The following KCNIP4 variants were observed in gnomAD, a reference collection of about 807,000 sequenced individuals.
The protein encoded by KCNIP4 is potassium voltage-gated channel interacting protein 4.
In KCNIP4, 12 loss-of-function variants were observed where a neutral mutation model predicts 34.0. The observed-to-expected ratio is 0.35, with a 90% CI of 0.23 to 0.57. KCNIP4 has a LOEUF of 0.57. Ranked by LOEUF, KCNIP4 falls within the 20% of genes least tolerant of loss-of-function variation. The pLI is 0.83. For missense variants in KCNIP4, 238 were observed against 311.7 expected (o/e 0.76, Z 1.78); for synonymous variants, 124 against 102.2 (o/e 1.21, Z -1.29).
chr4:21,730,883 C>T (rs1324085575), intron 1 of KCNIP4, among the ~76,000 whole-genome samples: 2 of 151,940 alleles, frequency 1.3e-5, no homozygotes, highest in African/African-American at 4.8e-5. Context: ...GAGGCCAAGG[C>T]GGGCAAATAG....
At chr4:21,580,464 A>G (rs1192900294) in intron 1 of KCNIP4, among the ~76,000 whole-genome samples, 1 of 152,128 alleles carries the variant, frequency 6.6e-6, no homozygotes, top group Non-Finnish European at 1.5e-5. Flanking sequence ...CAAAATGAAG[A>G]ATCCCTTGAT....
chr4:21,715,972 T>C (rs1325705793), intron 1 of KCNIP4, among the ~76,000 whole-genome samples: 1 of 152,148 alleles, frequency 6.6e-6, no homozygotes, highest in Non-Finnish European at 1.5e-5. Flanking sequence ...TGATACGACT[T>C]CTCTGATTTC....
At chr4:21,262,767 C>G (rs1212806747) in intron 1 of KCNIP4, among the ~76,000 whole-genome samples, 1 of 152,202 alleles carries the variant, frequency 6.6e-6, no homozygotes, top group Non-Finnish European at 1.5e-5. Flanking sequence ...CTCAATTACT[C>G]TCCATCAGTG....
At chr4:21,341,266 T>C (rs1716736884) in intron 1 of KCNIP4, among the ~76,000 whole-genome samples, 1 of 152,060 alleles carries the variant, frequency 6.6e-6, no homozygotes, top group Non-Finnish European at 1.5e-5. Flanking sequence ...ACAGAGTATA[T>C]TTATTTTGTT....
Position 20,728,846 on chromosome 4 carries a change from T to C in KCNIP4, c.*1236A>G, listed in dbSNP as rs1238574274. 1 of 152,570 alleles carries C rather than the reference T, an allele frequency of 6.6e-6. No individual in the cohort carries two copies. Among genetic ancestry groups the C allele is most frequent in the Admixed American group, 6.5e-5 (1 of 15,276 alleles). 9.5% of individuals were successfully genotyped at this position (152,570 alleles called of 1,614,324 possible). A position where few individuals can be genotyped will look rare whatever the true frequency, so the allele number is the denominator to read the frequency against. On this transcript the variant is annotated 3_prime_UTR_variant, in exon 9 of 9. Coordinates refer to ENST00000382152, the MANE Select transcript of KCNIP4 (RefSeq NM_025221.6). ...CCTCCTTCTGTAGCCTCTTGGTCTT[T>C]GTGATATTTCTACAAAACAGGGACG...
At chr4:21,542,244 G>T (rs187597697) in intron 1 of KCNIP4, among the ~76,000 whole-genome samples, 4 of 152,262 alleles carry the variant, frequency 2.6e-5, no homozygotes, top group African/African-American at 9.6e-5. Context: ...ACCCAAAAGT[G>T]AAATGAGCAT....
intron 1 of KCNIP4, among the ~76,000 whole-genome samples, chr4:20,896,344 G>C (rs527666370): frequency 6.6e-6 from 1 of 152,158 alleles, no homozygotes; most frequent in Non-Finnish European, 1.5e-5. Context: ...GGTTTGAATT[G>C]TGTCTTTCAA....
At chr4:20,853,457 G>C (rs550918701) in intron 2 of KCNIP4, among the ~76,000 whole-genome samples, 1 of 152,196 alleles carries the variant, frequency 6.6e-6, no homozygotes, top group East Asian at 1.9e-4. Flanking sequence ...GAATGAAACT[G>C]GGTCCTCTTC....
rs549678562 is a variant in KCNIP4, at chr4:21,473,453, C to T, written c.61+475118G>A. Among the ~76,000 whole-genome samples, 8 of 152,160 alleles carry T rather than the reference C, an allele frequency of 5.3e-5. No homozygotes were observed. In the South Asian group the frequency reaches 1.2e-3, roughly 24 times the overall value. Reference sequence around the variant, plus strand: ...AGAGGCTGTAAAACTCTACAAAATACAGAAAATGAAATATTTTCTGATGGT... The same window carrying T: ...AGAGGCTGTAAAACTCTACAAAATATAGAAAATGAAATATTTTCTGATGGT... On this transcript the variant is annotated intron_variant, in intron 1 of 8. Coordinates refer to ENST00000382152, the MANE Select transcript of KCNIP4 (RefSeq NM_025221.6).
At chr4:21,090,750 T>C (rs1400935855) in intron 1 of KCNIP4, among the ~76,000 whole-genome samples, 2 of 152,222 alleles carry the variant, frequency 1.3e-5, no homozygotes, top group East Asian at 3.8e-4. Context: ...TTATGTCTCA[T>C]TTTGAAAAAT....
intron 1 of KCNIP4, among the ~76,000 whole-genome samples, chr4:21,904,192 C>T (rs1216790682): frequency 6.6e-6 from 1 of 152,170 alleles, no homozygotes; most frequent in Admixed American, 6.5e-5. Flanking sequence ...CTTCAGTCCC[C>T]TCCCTAGCTT....
At chr4:21,389,709 C>A (rs1404676542) in intron 1 of KCNIP4, among the ~76,000 whole-genome samples, 2 of 152,046 alleles carry the variant, frequency 1.3e-5, no homozygotes, top group Admixed American at 1.3e-4. Context: ...CATTGATGGA[C>A]ATTTGCGTTG....
chr4:21,343,153 C>T (rs1716925617), intron 1 of KCNIP4, among the ~76,000 whole-genome samples: 1 of 152,022 alleles, frequency 6.6e-6, no homozygotes, highest in Non-Finnish European at 1.5e-5. Context: ...CAGCAGCAAA[C>T]TTGTGAAGCT....
chr4:21,544,669 T>G (rs1560504528), intron 1 of KCNIP4: 1 of 152,196 alleles, frequency 6.6e-6, no homozygotes, highest in East Asian at 1.9e-4. Flanking sequence ...AACCTTCAAG[T>G]GCATCAAGTC....
chr4:21,833,947 C>G (rs1380577687), intron 1 of KCNIP4, among the ~76,000 whole-genome samples: 4 of 151,834 alleles, frequency 2.6e-5, no homozygotes, highest in Admixed American at 6.6e-5. Flanking sequence ...TTCCATTGAT[C>G]TATATCTCTG....
At chr4:21,501,995 A>ACACACACACG (rs1553893433) in intron 1 of KCNIP4, among the ~76,000 whole-genome samples, 6 of 28,806 alleles carry the variant, frequency 2.1e-4, no homozygotes, top group African/African-American at 1.1e-3. Context: ...ATGCACACGC[A>ACACACACACG]CACACACACA....
chr4:21,008,866 TA>T (rs1287969605), intron 1 of KCNIP4, among the ~76,000 whole-genome samples: 1 of 152,052 alleles, frequency 6.6e-6, no homozygotes, highest in Admixed American at 6.6e-5. Context: ...AATCATTGGG[TA>T]TTTCATTAGG....
At chr4:21,077,675 T>G (rs1745612917) in intron 1 of KCNIP4, among the ~76,000 whole-genome samples, 2 of 152,174 alleles carry the variant, frequency 1.3e-5, no homozygotes, top group South Asian at 4.1e-4. Context: ...TCAGTGTTCT[T>G]GCAAGAATTA....
chr4:21,485,169 C>T (rs1436196952), intron 1 of KCNIP4, among the ~76,000 whole-genome samples: 1 of 152,154 alleles, frequency 6.6e-6, no homozygotes, highest in Non-Finnish European at 1.5e-5. Context: ...CACTATTAAA[C>T]ATTATAGATA....
Sources: gnomAD v4.1 joint callset for allele counts (sites outside exome capture counted in the v4.1 genomes callset) on GRCh38, gnomAD v4.1.1 for gene constraint, MANE v1.5 for transcripts, NCBI Gene and HGNC (gene_info 2026-07-23, HGNC 2026-07-21) for gene names.